The following PLEKHH1 variants were observed in gnomAD, a reference collection of about 807,000 sequenced individuals.
PLEKHH1 encodes pleckstrin homology domain-containing family H member 1.
PLEKHH1 carries 104 observed loss-of-function variants against 160.0 expected under a neutral mutation model. That is an observed-to-expected ratio of 0.65 (90% CI 0.55 to 0.76). The LOEUF is 0.76. Ranked by LOEUF, PLEKHH1 falls within the 30% of genes least tolerant of loss-of-function variation. PLEKHH1 has a pLI of 0.00. For synonymous variants in PLEKHH1, 619 were observed against 678.4 expected (o/e 0.91, Z 1.36); for missense variants, 1,427 against 1,724.1 (o/e 0.83, Z 3.05).
At position 67,562,540 on chromosome 14, in the gene PLEKHH1, A is replaced by G; in HGVS notation, c.909A>G (p.Glu303=). The G allele has an allele frequency of 6.2e-7, 1 of 1,609,222 alleles. No individual in the cohort carries two copies. Among genetic ancestry groups the G allele is most frequent in the Non-Finnish European group, 8.5e-7 (1 of 1,176,016 alleles). The change falls in exon 7 of 29, where the codon GAA becomes GAG. Residue 303 remains glutamate, a synonymous_variant. Transcript: ENST00000329153. ...CTGGGACAAAGACCTCTGCCAGGGA[A>G]GGTGGTCCTGGCAGCAGTCTGACCC... ...MLPGTKTSAR[E]GGPGSSLTLP... is the part of the protein sequence containing the mutation.
At chr14:67,557,545 T>A in intron 4 of PLEKHH1, 127 bp downstream of exon 4, 1 of 767,702 alleles carries the variant, frequency 1.3e-6, no homozygotes, top group East Asian at 2.7e-5. Context: ...GAGCCTATTC[T>A]TTTATGTGAA....
At chr14:67,537,384 ACTT>A (rs1361349939) in intron 1 of PLEKHH1, among the ~76,000 whole-genome samples, 1 of 139,486 alleles carries the variant, frequency 7.2e-6, no homozygotes, top group African/African-American at 2.7e-5. Flanking sequence ...AATAATAAAA[ACTT>A]AATCTTAGGC....
At position 67,560,270 on chromosome 14, in the gene PLEKHH1, A is replaced by G. The variant is rs1375800510; in HGVS notation, c.423+579A>G. On this transcript the variant is annotated intron_variant, in intron 5 of 28. Coordinates refer to ENST00000329153, the MANE Select transcript of PLEKHH1 (RefSeq NM_020715.3). ...TCGAACTCCTGACCTCAGGTGATTC[A>G]CCCACCTCGGCCTCCCAAAGTGCTG... Among the ~76,000 whole-genome samples the G allele has an allele frequency of 2.6e-5, 4 of 152,168 alleles. No individual in the cohort carries two copies. In the East Asian group the frequency reaches 5.8e-4, roughly 22 times the overall value.
At chr14:67,575,271 A>C (rs748300131) in intron 14 of PLEKHH1, 121 bp from the exon 15 acceptor site, 1 of 631,172 alleles carries the variant, frequency 1.6e-6, no homozygotes, top group Non-Finnish European at 2.8e-6. Context: ...AGGGAGCCCA[A>C]ATGGCATCTC....
At position 67,586,486 on chromosome 14, in the gene PLEKHH1, G is replaced by A. The variant is rs1003223762; in HGVS notation, c.3933+389G>A. 4.6e-6 allele frequency: 5 copies of A among 1,096,858 alleles called. No homozygotes were observed. In the African/African-American group the frequency reaches 8.0e-5, roughly 18 times the overall value. The allele number at this position is 1,096,858 out of a possible 1,614,324, so 67.9% of individuals were successfully genotyped here. ...TCGCATGTTACCCCTGGGTTCTGCT[G>A]ACCCAACATTAGCTACAAAGTGGGA... is the stretch of plus-strand genomic sequence containing the variant. On this transcript the variant is annotated intron_variant, in intron 28 of 28. Coordinates refer to ENST00000329153, the MANE Select transcript of PLEKHH1 (RefSeq NM_020715.3).
Position 67,578,727 on chromosome 14 carries a change from C to G in PLEKHH1, c.2849+96C>G. On this transcript the variant is annotated intron_variant, in intron 20 of 28. Transcript: ENST00000329153. The surrounding 1 kb of genome is among the most constrained non-coding windows in gnomAD (Gnocchi z 5.0). ...GGAGTCTAGGGCAGACCAGATCACT[C>G]CTGTCCTCTGAAACCGCTCAGTGGT... The G allele has an allele frequency of 1.2e-6, 1 of 815,646 alleles. No individual in the cohort carries two copies. 50.5% of individuals were successfully genotyped at this position (815,646 alleles called of 1,614,324 possible).
Position 67,578,720 on chromosome 14 carries a change from G to C in PLEKHH1, c.2849+89G>C. ...GATGAGAGGAGTCTAGGGCAGACCA[G>C]ATCACTCCTGTCCTCTGAAACCGCT... On this transcript the variant is annotated intron_variant, in intron 20 of 28. Coordinates refer to ENST00000329153, the MANE Select transcript of PLEKHH1 (RefSeq NM_020715.3). This position sits in a 1 kb window ranked among gnomAD's most constrained non-coding sequence, Gnocchi z 5.0. 1.2e-6 allele frequency: 1 copy of C among 843,816 alleles called. No homozygotes were observed. Among genetic ancestry groups the C allele is most frequent in the Non-Finnish European group, 2.0e-6 (1 of 504,290 alleles). 52.3% of individuals were successfully genotyped at this position (843,816 alleles called of 1,614,324 possible).
intron 3 of PLEKHH1, among the ~76,000 whole-genome samples, chr14:67,556,530 C>T (rs997922427): frequency 6.6e-6 from 1 of 152,152 alleles, no homozygotes; most frequent in Non-Finnish European, 1.5e-5. Context: ...CCTCCTGCCT[C>T]AACCTCCCAA....
intron 8 of PLEKHH1, 52 bp from the exon 9 acceptor site, chr14:67,569,869 C>A: frequency 8.5e-7 from 1 of 1,174,452 alleles, no homozygotes; most frequent in Non-Finnish European, 1.3e-6. Flanking sequence ...TCCCCCACAC[C>A]CCTTCCTGGG....
chr14:67,555,726 C>T, intron 2 of PLEKHH1, 99 bp from the exon 3 acceptor site: 1 of 1,530,944 alleles, frequency 6.5e-7, no homozygotes, highest in Non-Finnish European at 8.8e-7. Flanking sequence ...GAAGTCTGGC[C>T]TGTGTGCAGT....
chr14:67,561,952 A>T lies in PLEKHH1; in HGVS notation c.424-2A>T. On this transcript the variant is annotated splice_acceptor_variant, in intron 5 of 28. Coordinates refer to ENST00000329153, the MANE Select transcript of PLEKHH1 (RefSeq NM_020715.3). LOFTEE classifies it high-confidence loss of function. ...TAAATCTTCATTTTTCTTTTTGCTCAGCTTGAGATGGAGAATCAGCATCTG... is the reference window on the plus strand; with the variant it reads ...TAAATCTTCATTTTTCTTTTTGCTCTGCTTGAGATGGAGAATCAGCATCTG... The T allele has an allele frequency of 6.2e-7, 1 of 1,611,532 alleles. No homozygotes were observed. Among genetic ancestry groups the T allele is most frequent in the Non-Finnish European group, 8.5e-7 (1 of 1,177,996 alleles).
Position 67,575,333 on chromosome 14 carries a change from C to G in PLEKHH1, c.2089-59C>G, listed in dbSNP as rs114370531. The G allele has an allele frequency of 2.9e-4, 306 of 1,042,140 alleles. 1 individual carries two copies. In the African/African-American group the frequency reaches 4.4e-3, roughly 15 times the overall value. 64.6% of individuals were successfully genotyped at this position (1,042,140 alleles called of 1,614,324 possible). A position where few individuals can be genotyped will look rare whatever the true frequency, so the allele number is the denominator to read the frequency against. On this transcript the variant is annotated intron_variant, in intron 14 of 28. Transcript: ENST00000329153. ...TCCCTGTGGCTTCTATTTGCCAGTC[C>G]TGGATTTACTTCTAGAGTTACCTAG...
chr14:67,582,477 A>AGG lies in PLEKHH1; in HGVS notation c.3426+268_3426+269insGG, dbSNP rs141898491. On this transcript the variant is annotated intron_variant, in intron 24 of 28. Transcript: ENST00000329153. The surrounding 1 kb of genome is among the most constrained non-coding windows in gnomAD (Gnocchi z 5.0). ...CCTTCCAACTATGAGGTCTTAGCCAAGTCACTTCACTTCTCTATGCTTTAG... is the reference window on the plus strand; with the variant it reads ...CCTTCCAACTATGAGGTCTTAGCCAAGGGTCACTTCACTTCTCTATGCTTTAG... Among the ~76,000 whole-genome samples, 3,698 of 152,184 alleles carry AGG rather than the reference A, an allele frequency of 0.024. 141 individuals are homozygous for AGG. Among genetic ancestry groups the AGG allele is most frequent in the East Asian group, 0.12 (609 of 5,174 alleles).
chr14:67,578,272 G>A lies in PLEKHH1; in HGVS notation c.2751+73G>A, dbSNP rs1230102707. ...CTGCCAGGTGGGAAAGGTGGGAGGA[G>A]GTGACTGGGCAGGTATACGGTGAGC... On this transcript the variant is annotated intron_variant, in intron 19 of 28. Transcript: ENST00000329153. This position sits in a 1 kb window ranked among gnomAD's most constrained non-coding sequence, Gnocchi z 5.0. 5.1e-6 allele frequency: 7 copies of A among 1,379,252 alleles called. No homozygotes were observed. The African/African-American group carries it at 9.9e-5, about 19-fold the overall frequency. The allele number at this position is 1,379,252 out of a possible 1,614,324, so 85.4% of individuals were successfully genotyped here.
chr14:67,539,332 G>C (rs1273761898), intron 1 of PLEKHH1, among the ~76,000 whole-genome samples: 1 of 152,182 alleles, frequency 6.6e-6, no homozygotes, highest in Non-Finnish European at 1.5e-5. Context: ...CTTTTGAGAT[G>C]GGGATTGCTG....
chr14:67,578,034 C>A lies in PLEKHH1; in HGVS notation c.2586C>A (p.Leu862=), dbSNP rs1421759608. 3 of 1,613,532 alleles carry A rather than the reference C, an allele frequency of 1.9e-6. No individual in the cohort carries two copies. Among genetic ancestry groups the A allele is most frequent in the Non-Finnish European group, 2.5e-6 (3 of 1,179,768 alleles). The part of the protein sequence containing the change: ...EALKLFKSCQ[L]FINVPVEAAS... ...CTGTTCCCTCCCAGTCCTGCCAGCT[C>A]TTCATCAACGTGCCGGTGGAAGCTG... Residue 862 remains leucine (L), a synonymous_variant, in exon 19 of 29, where the codon CTC becomes CTA. Coordinates refer to ENST00000329153, the MANE Select transcript of PLEKHH1 (RefSeq NM_020715.3). This position sits in a 1 kb window ranked among gnomAD's most constrained non-coding sequence, Gnocchi z 5.0.
intron 2 of PLEKHH1, among the ~76,000 whole-genome samples, chr14:67,550,576 A>G (rs915610833): frequency 6.6e-6 from 1 of 152,250 alleles, no homozygotes; most frequent in African/African-American, 2.4e-5. Context: ...GTTAATTTAC[A>G]TAGATGAGAC....
intron 7 of PLEKHH1, among the ~76,000 whole-genome samples, chr14:67,565,520 G>C: frequency 6.6e-6 from 1 of 152,134 alleles, no homozygotes; most frequent in East Asian, 1.9e-4. Flanking sequence ...ACCTTACCCG[G>C]TCTGAGAGCC....
In PLEKHH1 at chr14:67,587,906, C is replaced by T. The variant is rs560522969; in HGVS notation, c.*671C>T. The stretch of plus-strand genomic sequence containing the variant: ...TTTATACTTGAAGTTTTGTGAACGT[C>T]GCTAAACAGGATAGGACTAAAATTT... On this transcript the variant is annotated 3_prime_UTR_variant, in exon 29 of 29. Coordinates refer to ENST00000329153, the MANE Select transcript of PLEKHH1 (RefSeq NM_020715.3). 2.0e-5 allele frequency: 3 copies of T among 152,768 alleles called. No individual in the cohort carries two copies. The highest frequency in any genetic ancestry group is 7.2e-5 in the African/African-American group (3 of 41,396). 9.5% of individuals were successfully genotyped at this position (152,768 alleles called of 1,614,324 possible).
Sources: gnomAD v4.1 joint callset for allele counts (sites outside exome capture counted in the v4.1 genomes callset) on GRCh38, gnomAD v4.1.1 for gene constraint, Gnocchi (gnomAD v3.1) non-coding constraint, MANE v1.5 for transcripts, NCBI Gene and HGNC (gene_info 2026-07-23, HGNC 2026-07-21) for gene names.